Variants in RNF220 observed in about 807,000 individuals in gnomAD.
The protein encoded by RNF220 is E3 ubiquitin-protein ligase RNF220.
Under a neutral mutation model 67.1 loss-of-function variants are expected in RNF220, and 7 were observed. That is an observed-to-expected ratio of 0.10 (90% CI 0.06 to 0.20). The LOEUF (loss-of-function observed/expected upper bound fraction) is 0.20. RNF220 is among the 10% of genes least tolerant of loss of function. The pLI, the probability that RNF220 is intolerant of heterozygous loss-of-function variation, is 1.00. For missense variants in RNF220, 565 were observed against 740.3 expected (o/e 0.76, Z 2.75); for synonymous variants, 270 against 283.2 (o/e 0.95, Z 0.47).
chr1:44,534,266 C>G (rs1429699877), intron 2 of RNF220, among the ~76,000 whole-genome samples: 1 of 151,998 alleles, frequency 6.6e-6, no homozygotes, highest in African/African-American at 2.4e-5. Context: ...AGGTGTGAGC[C>G]ATTGCACCTG....
rs368861417 is a variant in RNF220 at position 44,410,435 on chromosome 1, T to A, written c.-117-1546T>A. 12 of 152,158 alleles carry A rather than the reference T, an allele frequency of 7.9e-5. No homozygotes were observed. The East Asian group carries it at 1.5e-3, about 20-fold the overall frequency. The allele number at this position is 152,158 out of a possible 1,614,324, so 9.4% of individuals were successfully genotyped here. A position where few individuals can be genotyped will look rare whatever the true frequency, so the allele number is the denominator to read the frequency against. On this transcript the variant is annotated intron_variant, in intron 1 of 14. Transcript: ENST00000361799. ...ACTTGACAGGAAAGTTATTTAAAAT[T>A]TGGAAGAGAGAAAAATCCGTTAATG...
chr1:44,640,447 T>C (rs941074265), intron 8 of RNF220, among the ~76,000 whole-genome samples: 1 of 152,116 alleles, frequency 6.6e-6, no homozygotes, highest in African/African-American at 2.4e-5. Context: ...GCACCTTCTG[T>C]CCCCCGTGGC....
At chr1:44,493,113 CTCATGTGATGGT>C (rs1043901827) in intron 2 of RNF220, among the ~76,000 whole-genome samples, 1 of 152,118 alleles carries the variant, frequency 6.6e-6, no homozygotes, top group African/African-American at 2.4e-5. Flanking sequence ...CCATATTGAC[CTCATGTGATGGT>C]TCATAATCAA....
At chr1:44,644,671 G>A in intron 8 of RNF220, 27 bp from the exon 9 acceptor site, 1 of 1,599,380 alleles carries the variant, frequency 6.3e-7, no homozygotes. Flanking sequence ...TTGTCCCCAG[G>A]CCCTCCTCAC....
At chr1:44,418,653 A>C (rs914491233) in intron 2 of RNF220, among the ~76,000 whole-genome samples, 23 of 146,516 alleles carry the variant, frequency 1.6e-4, no homozygotes, top group African/African-American at 3.0e-4. Flanking sequence ...AAAAAAAAAA[A>C]CACACACACA....
intron 2 of RNF220, among the ~76,000 whole-genome samples, chr1:44,522,925 T>A (rs1660055252): frequency 6.6e-6 from 1 of 152,188 alleles, no homozygotes; most frequent in Non-Finnish European, 1.5e-5. Flanking sequence ...CAAAGCGTGC[T>A]ACCCACACTG....
At chr1:44,544,666 C>T (rs1377707046) in intron 2 of RNF220, among the ~76,000 whole-genome samples, 5 of 152,250 alleles carry the variant, frequency 3.3e-5, no homozygotes, top group Admixed American at 2.6e-4. Context: ...TCCTTTCAAT[C>T]TCCAAAGGCT....
At chr1:44,545,514 A>G (rs1400301427) in intron 2 of RNF220, 1 of 154,182 alleles carries the variant, frequency 6.5e-6, no homozygotes. Flanking sequence ...GAAGAACTAG[A>G]TTTGAATCCA....
At chr1:44,525,885 G>A (rs1660331973) in intron 2 of RNF220, among the ~76,000 whole-genome samples, 1 of 152,108 alleles carries the variant, frequency 6.6e-6, no homozygotes, top group East Asian at 1.9e-4. Context: ...ATCCCATTTT[G>A]TAAGCTGCGT....
chr1:44,602,745 C>A (rs1278427286), intron 2 of RNF220, among the ~76,000 whole-genome samples: 2 of 152,148 alleles, frequency 1.3e-5, no homozygotes, highest in Admixed American at 1.3e-4. Flanking sequence ...CCAGACCCTT[C>A]CCCTGCCCTG....
chr1:44,640,398 G>A (rs1055082365), intron 8 of RNF220, among the ~76,000 whole-genome samples: 3 of 152,218 alleles, frequency 2.0e-5, no homozygotes, highest in Non-Finnish European at 4.4e-5. Context: ...TCTCTCTGTC[G>A]CCTGTTGGGA....
chr1:44,584,329 AG>A (rs1380822288), intron 2 of RNF220, among the ~76,000 whole-genome samples: 5 of 152,360 alleles, frequency 3.3e-5, no homozygotes, highest in Admixed American at 2.0e-4. Context: ...AGCAGCCGCT[AG>A]GAAGGAGCTG....
chr1:44,441,694 T>C (rs941963530), intron 2 of RNF220, among the ~76,000 whole-genome samples: 8 of 152,202 alleles, frequency 5.3e-5, no homozygotes, highest in African/African-American at 1.9e-4. Flanking sequence ...ATGAAGAAGG[T>C]TAGTGATCTC....
At chr1:44,567,957 C>T (rs1379240603) in intron 2 of RNF220, among the ~76,000 whole-genome samples, 1 of 152,162 alleles carries the variant, frequency 6.6e-6, no homozygotes, top group East Asian at 1.9e-4. Flanking sequence ...TCCTCAGACT[C>T]AACTTGTCCA....
chr1:44,419,111 C>T lies in RNF220; in HGVS notation c.625+6389C>T, dbSNP rs77710299. On this transcript the variant is annotated intron_variant, in intron 2 of 14. Coordinates refer to ENST00000361799, the MANE Select transcript of RNF220 (RefSeq NM_018150.4). ...CAGCATTTCCCAGTGCCATTTTATC[C>T]CGTCTTAAAGAGAGATGAACTGCAG... Among the ~76,000 whole-genome samples the T allele has an allele frequency of 4.7e-3, 720 of 152,248 alleles. 28 individuals carry two copies. In the East Asian group the frequency reaches 0.077, roughly 16 times the overall value.
intron 2 of RNF220, among the ~76,000 whole-genome samples, chr1:44,611,571 T>C (rs1258180014): frequency 2.6e-5 from 4 of 152,216 alleles, no homozygotes; most frequent in African/African-American, 4.8e-5. Flanking sequence ...TCCAGCAACC[T>C]GTCAACTCCC....
intron 8 of RNF220, among the ~76,000 whole-genome samples, chr1:44,639,849 G>A (rs1014627477): frequency 6.6e-6 from 1 of 152,178 alleles, no homozygotes; most frequent in African/African-American, 2.4e-5. Flanking sequence ...GAGTGCAGTG[G>A]CACGATTTCG....
chr1:44,603,803 T>C (rs1278535439), intron 2 of RNF220, among the ~76,000 whole-genome samples: 2 of 152,222 alleles, frequency 1.3e-5, no homozygotes, highest in Non-Finnish European at 2.9e-5. Flanking sequence ...GCAGCTGGCC[T>C]GGGATGTGCT....
chr1:44,501,526 C>T (rs1232104456), intron 2 of RNF220, among the ~76,000 whole-genome samples: 2 of 151,936 alleles, frequency 1.3e-5, no homozygotes, highest in African/African-American at 4.8e-5. Context: ...GAAGGCTGGG[C>T]AGAGAAGCAT....
Sources: allele counts gnomAD v4.1 joint callset (sites outside exome capture counted in the v4.1 genomes callset), GRCh38; gene constraint gnomAD v4.1.1; transcripts MANE v1.5; gene names NCBI Gene and HGNC (gene_info 2026-07-23, HGNC 2026-07-21).